TRPC4: variants seen among roughly 807,000 people sequenced by gnomAD.
The protein encoded by TRPC4 is transient receptor potential cation channel subfamily C member 4.
Under a neutral mutation model 99.4 loss-of-function variants are expected in TRPC4, and 49 were observed. That is an observed-to-expected ratio of 0.49 (90% confidence interval 0.39 to 0.63). The LOEUF (loss-of-function observed/expected upper bound fraction) is 0.63. Among genes scored for constraint, TRPC4 ranks in the 20% least tolerant of loss-of-function variants. The pLI is 0.00. For missense variants in TRPC4, 898 were observed against 1,152.9 expected, an observed-to-expected ratio of 0.78 and a Z score of 3.20; for synonymous variants, 454 against 425.9, an observed-to-expected ratio of 1.07 and a Z score of -0.81.
Position 37,691,132 on chromosome 13 carries a change from C to T in TRPC4, c.1234+867G>A, listed in dbSNP as rs143986590. Among the ~76,000 whole-genome samples the T allele has an allele frequency of 9.8e-3, 1,491 of 152,084 alleles. 25 individuals are homozygous for T. Among genetic ancestry groups the T allele is most frequent in the African/African-American group, 0.034 (1,418 of 41,462 alleles). Reference sequence around the variant, plus strand: ...TTTCTTTTTTTTTGAGACAGAGTCTCACTCTGTCGCCCAGGCTGGACTACA... The same window carrying T: ...TTTCTTTTTTTTTGAGACAGAGTCTTACTCTGTCGCCCAGGCTGGACTACA... On this transcript the variant is annotated intron_variant, in intron 4 of 10. Coordinates refer to ENST00000379705, the MANE Select transcript of TRPC4 (RefSeq NM_016179.4).
In TRPC4 at chr13:37,637,642, A is replaced by G; in HGVS notation, c.2212-17T>C. The G allele has an allele frequency of 1.3e-6, 2 of 1,548,708 alleles. No homozygotes were observed. The highest frequency in any genetic ancestry group is 2.8e-5 in the African/African-American group (2 of 72,200). ...CTTTAGTTCCTACGTAGAATTTAAA[A>G]TGAAAAATTCGGTTATGACTTAAAC... On this transcript the variant is annotated splice_polypyrimidine_tract_variant and intron_variant, in intron 10 of 10. Transcript: ENST00000379705.
rs1958887237 is a variant in TRPC4 at position 37,845,976 on chromosome 13, T to A, written c.-28+23619A>T. ...AGGCACAATATGGCTTTTGGCAGAT[T>A]TGTCAGCAGAAACACTTCAGGCCAG... On this transcript the variant is annotated intron_variant, in intron 1 of 10. Coordinates refer to ENST00000379705, the MANE Select transcript of TRPC4 (RefSeq NM_016179.4). Among the ~76,000 whole-genome samples, 2 of 152,282 alleles carry A rather than the reference T, an allele frequency of 1.3e-5. 1 individual carries two copies. Among genetic ancestry groups the A allele is most frequent in the Middle Eastern group, 6.8e-3 (2 of 294 alleles).
At position 37,698,177 on chromosome 13, in the gene TRPC4, T is replaced by TTTTTTTTTTTTTTTTTTTTTTC. The variant is rs1555259178; in HGVS notation, c.898-5843_898-5842insGAAAAAAAAAAAAAAAAAAAAA. ...ACTCCAAGGACTAACCTTTTTTTTTTTGAGTGGGAATCTCACTCTGTTGCC... is the reference window on the plus strand; with the variant it reads ...ACTCCAAGGACTAACCTTTTTTTTTTTTTTTTTTTTTTTTTTTTTTTCTGAGTGGGAATCTCACTCTGTTGCC... On this transcript the variant is annotated intron_variant, in intron 3 of 10. Coordinates refer to ENST00000379705, the MANE Select transcript of TRPC4 (RefSeq NM_016179.4). 1.7e-3 allele frequency among the ~76,000 whole-genome samples: 234 copies of TTTTTTTTTTTTTTTTTTTTTTC among 139,350 alleles called. 39 individuals are homozygous for TTTTTTTTTTTTTTTTTTTTTTC. The highest frequency in any genetic ancestry group is 7.8e-3 in the Middle Eastern group (2 of 258). 91.4% of individuals were successfully genotyped at this position (139,350 alleles called of 152,430 possible).
At chr13:37,835,080 G>T in intron 1 of TRPC4, among the ~76,000 whole-genome samples, 1 of 151,002 alleles carries the variant, frequency 6.6e-6, no homozygotes. Context: ...GCATATTGTC[G>T]ATGGAAGAAA....
chr13:37,691,433 A>C (rs1225054961), intron 4 of TRPC4, among the ~76,000 whole-genome samples: 2 of 152,194 alleles, frequency 1.3e-5, no homozygotes, highest in East Asian at 3.8e-4. Context: ...AGCTACTTTA[A>C]GGTTTTCTAC....
At chr13:37,827,066 G>A (rs568582591) in intron 1 of TRPC4, among the ~76,000 whole-genome samples, 18 of 151,858 alleles carry the variant, frequency 1.2e-4, no homozygotes, top group East Asian at 3.9e-4. Context: ...TGATCGCATC[G>A]GCTCCTGAGG....
At chr13:37,862,699 AG>A (rs1959454041) in intron 1 of TRPC4, among the ~76,000 whole-genome samples, 1 of 151,678 alleles carries the variant, frequency 6.6e-6, no homozygotes, top group Non-Finnish European at 1.5e-5. Context: ...GTGTGATAAG[AG>A]GCTTATGAAC....
At chr13:37,704,369 A>T (rs180786894) in intron 3 of TRPC4, among the ~76,000 whole-genome samples, 19 of 152,272 alleles carry the variant, frequency 1.2e-4, no homozygotes, top group African/African-American at 4.3e-4. Flanking sequence ...ATTGTATGTC[A>T]ATTTTCCTTC....
chr13:37,810,330 A>G (rs1445164831), intron 1 of TRPC4, among the ~76,000 whole-genome samples: 4 of 152,054 alleles, frequency 2.6e-5, no homozygotes, highest in Non-Finnish European at 2.9e-5. Context: ...ATCCTTTTCT[A>G]TAATGTTTTT....
chr13:37,680,870 T>A (rs565457155), intron 4 of TRPC4, among the ~76,000 whole-genome samples: 2 of 152,238 alleles, frequency 1.3e-5, no homozygotes, highest in African/African-American at 4.8e-5. Context: ...TTCAGATTTG[T>A]ATGTATCATG....
intron 3 of TRPC4, among the ~76,000 whole-genome samples, chr13:37,720,279 T>A (rs926951021): frequency 1.3e-5 from 2 of 152,158 alleles, no homozygotes; most frequent in Admixed American, 1.3e-4. Flanking sequence ...AACTAATTAA[T>A]GTATACATTG....
In TRPC4 at chr13:37,634,297, T is replaced by C. The variant is rs2138496963; in HGVS notation, c.*2606A>G. On this transcript the variant is annotated 3_prime_UTR_variant, in exon 11 of 11. Transcript: ENST00000379705. ...TTGACTTTTCTTATTTTATCCCTAC[T>C]CCTCATCTTCATTAATGCTACATAA... Among the ~76,000 whole-genome samples, 1 of 152,182 alleles carries C rather than the reference T, an allele frequency of 6.6e-6. No homozygotes were observed. Among genetic ancestry groups the C allele is most frequent in the South Asian group, 2.1e-4 (1 of 4,820 alleles).
intron 2 of TRPC4, among the ~76,000 whole-genome samples, chr13:37,771,558 A>AGTGTGT (rs34539317): frequency 2.7e-4 from 40 of 147,502 alleles, no homozygotes; most frequent in South Asian, 6.5e-4. Flanking sequence ...AGTGTGCATG[A>AGTGTGT]GTGTGTGTGT....
In TRPC4 at chr13:37,651,295, TCTC is replaced by T; in HGVS notation, c.2046_2048del (p.Met682_Arg683delinsIle). Reference sequence around the variant, plus strand: ...TTGTTCCAAAACTTTCTGGCTTTCTTCTCATCTTTTTCTTGCACAAGTGTGTCC... The same window carrying T: ...TTGTTCCAAAACTTTCTGGCTTTCTTATCTTTTTCTTGCACAAGTGTGTCC... On this transcript the variant is annotated inframe_deletion, in exon 8 of 11. Coordinates refer to ENST00000379705, the MANE Select transcript of TRPC4 (RefSeq NM_016179.4). 1 of 1,614,118 alleles carries T rather than the reference TCTC, an allele frequency of 6.2e-7. No homozygotes were observed.
At chr13:37,716,919 C>T (rs184394275) in intron 3 of TRPC4, among the ~76,000 whole-genome samples, 5 of 151,916 alleles carry the variant, frequency 3.3e-5, no homozygotes, top group Non-Finnish European at 1.5e-5. Context: ...ATATAGGAGA[C>T]TAAGAGAGAA....
At chr13:37,773,765 C>A (rs759839796) in intron 2 of TRPC4, among the ~76,000 whole-genome samples, 2 of 151,546 alleles carry the variant, frequency 1.3e-5, no homozygotes, top group Non-Finnish European at 2.9e-5. Flanking sequence ...TTTTTGGTAG[C>A]AATTTTTATT....
In TRPC4 at chr13:37,736,527, A is replaced by G. The variant is rs573043911; in HGVS notation, c.897+9410T>C. On this transcript the variant is annotated intron_variant, in intron 3 of 10. Transcript: ENST00000379705. ...AGGGCATACATAACCAACGCCTAAA[A>G]TATATTTTAAAATGCAATTCAGATG... Among the ~76,000 whole-genome samples the G allele has an allele frequency of 8.5e-5, 13 of 152,250 alleles. No individual in the cohort carries two copies. The South Asian group carries it at 2.5e-3, about 29-fold the overall frequency.
rs757426391 is a variant in TRPC4 at position 37,637,354 on chromosome 13, G to A, written c.2483C>T (p.Pro828Leu). Residue 828 changes from proline to leucine, a missense_variant, in exon 11 of 11, where the codon CCG becomes CTG. This residue lies in a region of TRPC4 where 346 missense variants were observed against 351.4 expected (regional missense o/e 0.98). Coordinates refer to ENST00000379705, the MANE Select transcript of TRPC4 (RefSeq NM_016179.4). ...SNGSALVVQE[P>L]PREKQRKVNF... ...CACTTTTCTCTGCTTCTCCCTGGGC[G>A]GCTCCTGAACCACCAGGGCAGAGCC... is the stretch of plus-strand genomic sequence containing the variant. 2.4e-5 allele frequency: 38 copies of A among 1,613,446 alleles called. 2 individuals carry two copies. In the South Asian group the frequency reaches 3.8e-4, roughly 16 times the overall value.
intron 8 of TRPC4, among the ~76,000 whole-genome samples, chr13:37,649,443 C>G (rs1247080396): frequency 6.6e-6 from 1 of 151,930 alleles, no homozygotes; most frequent in Non-Finnish European, 1.5e-5. Flanking sequence ...CTTATTAAAT[C>G]TAAGCTATTG....
Sources: allele counts gnomAD v4.1 joint callset (sites outside exome capture counted in the v4.1 genomes callset), GRCh38; gene constraint gnomAD v4.1.1; regional missense constraint gnomAD v4.1.1; transcripts MANE v1.5; gene names NCBI Gene and HGNC (gene_info 2026-07-23, HGNC 2026-07-21).